SZT2: variants seen among roughly 807,000 people sequenced by gnomAD.
SZT2 encodes SZT2 subunit of KICSTOR complex.
In SZT2, 216 loss-of-function variants were observed where a neutral mutation model predicts 404.2. That is an observed-to-expected ratio of 0.53 (90% CI 0.48 to 0.60). The LOEUF (loss-of-function observed/expected upper bound fraction) is 0.60. Ranked by LOEUF, SZT2 falls within the 20% of genes least tolerant of loss-of-function variation. SZT2 has a pLI of 0.00. For missense variants in SZT2, 3,857 were observed against 4,459.2 expected, an observed-to-expected ratio of 0.86 and a Z score of 3.85; for synonymous variants, 1,693 against 1,749.9, an observed-to-expected ratio of 0.97 and a Z score of 0.81.
Position 43,430,657 on chromosome 1 carries a change from G to T in SZT2, c.4642G>T (p.Gly1548Trp), listed in dbSNP as rs201357769. The change falls in exon 32 of 72, where the codon GGG (glycine) becomes TGG (tryptophan). Residue 1548 changes from glycine to tryptophan, a missense_variant. This residue lies in a region of SZT2 where 1,725 missense variants were observed against 1,881.0 expected (regional missense o/e 0.92). Coordinates refer to ENST00000634258, the MANE Select transcript of SZT2 (RefSeq NM_001365999.1). ...NPDEDSFSILGGDSPTGPESF... is the reference protein window; with the variant it reads ...NPDEDSFSILWGDSPTGPESF... ...TGATGAAGACTCCTTCAGTATCTTG[G>T]GGGGCGACTCACCCACTGGGCCTGA... 2.1e-5 allele frequency: 34 copies of T among 1,614,022 alleles called. No homozygotes were observed. Among genetic ancestry groups the T allele is most frequent in the Non-Finnish European group, 2.7e-5 (32 of 1,180,032 alleles).
Position 43,446,376 on chromosome 1 carries a change from A to G in SZT2, c.9032A>G (p.Glu3011Gly). ...TTCTGTGTCAAACAGTTTGCCCTGG[A>G]ATGTTCCCGAATCCCAATGGGGCAG... ...CYFCVKQFAL[E>G]CSRIPMGQAV... is the part of the protein sequence containing the mutation. The change falls in exon 65 of 72, where the codon GAA (glutamate) becomes GGA (glycine). Residue 3011 changes from glutamate (E) to glycine (G), a missense_variant. Physicochemically the swap from Glu to Gly is moderately conservative, Grantham distance 98. Coordinates refer to ENST00000634258, the MANE Select transcript of SZT2 (RefSeq NM_001365999.1). 1 of 1,614,250 alleles carries G rather than the reference A, an allele frequency of 6.2e-7. No individual in the cohort carries two copies.
intron 66 of SZT2, 59 bp downstream of exon 66, chr1:43,447,227 G>T: frequency 6.5e-7 from 1 of 1,532,472 alleles, no homozygotes; most frequent in Non-Finnish European, 8.8e-7. Flanking sequence ...GGTGCCTCCA[G>T]GTCAGGGCTG....
intron 1 of SZT2, among the ~76,000 whole-genome samples, chr1:43,395,133 A>G (rs1648836824): frequency 6.6e-6 from 1 of 152,192 alleles, no homozygotes; most frequent in Non-Finnish European, 1.5e-5. Flanking sequence ...TTAGTGGCCT[A>G]CTAACTGGTA....
intron 7 of SZT2, among the ~76,000 whole-genome samples, chr1:43,419,070 C>G (rs912694955): frequency 2.0e-5 from 3 of 152,218 alleles, no homozygotes; most frequent in Non-Finnish European, 4.4e-5. Context: ...CAAACACTTT[C>G]TGCAAAGGCC....
At chr1:43,414,983 G>A (rs1651527694) in intron 4 of SZT2, 99 bp from the exon 5 acceptor site, 1 of 1,449,994 alleles carries the variant, frequency 6.9e-7, no homozygotes, top group African/African-American at 1.4e-5. Context: ...AGGAAGTCAG[G>A]ATCGCCTAGA....
rs752069043 is a variant in SZT2, at chr1:43,441,866, A to C, written c.7742+48A>C. 1.9e-5 allele frequency: 30 copies of C among 1,605,554 alleles called. No individual in the cohort carries two copies. In the South Asian group the frequency reaches 3.3e-4, roughly 18 times the overall value. On this transcript the variant is annotated intron_variant, in intron 55 of 71. Transcript: ENST00000634258. This position sits in a 1 kb window ranked among gnomAD's most constrained non-coding sequence, Gnocchi z 4.8. ...TGAAGGGAACTCCCCTAGACTTCCT[A>C]AAAGCTGGGCCTACAGGAAGCCAAA...
At position 43,442,921 on chromosome 1, in the gene SZT2, C is replaced by A; in HGVS notation, c.8254C>A (p.Arg2752Ser). The A allele has an allele frequency of 6.2e-7, 1 of 1,614,088 alleles. No individual in the cohort carries two copies. Among genetic ancestry groups the A allele is most frequent in the Non-Finnish European group, 8.5e-7 (1 of 1,179,972 alleles). ...GCAGGGCCGACTGAGTGGGTCCTCTCGTGGTGGGGGTCCTCTTCCCCTGGA... is the reference window on the plus strand; with the variant it reads ...GCAGGGCCGACTGAGTGGGTCCTCTAGTGGTGGGGGTCCTCTTCCCCTGGA... ...REQGRLSGSS[R>S]GGGPLPLDTF... is the part of the protein sequence containing the mutation. Residue 2752 changes from arginine (R) to serine (S), a missense_variant, in exon 59 of 72, where the codon CGT becomes AGT. Coordinates refer to ENST00000634258, the MANE Select transcript of SZT2 (RefSeq NM_001365999.1). The surrounding 1 kb of genome is among the most constrained non-coding windows in gnomAD (Gnocchi z 4.5).
At position 43,446,275 on chromosome 1, in the gene SZT2, A is replaced by G; in HGVS notation, c.8997+16A>G. 1 of 1,614,252 alleles carries G rather than the reference A, an allele frequency of 6.2e-7. No homozygotes were observed. The highest frequency in any genetic ancestry group is 8.5e-7 in the Non-Finnish European group (1 of 1,180,050). ...GGCATTCCAGGTAAGCAGGAGGAGC[A>G]CTGAGTGGAGACAGCCAGACCCACC... On this transcript the variant is annotated intron_variant, in intron 64 of 71. Transcript: ENST00000634258.
chr1:43,415,855 C>T (rs961025665), intron 5 of SZT2, 105 bp from the exon 6 acceptor site: 156 of 1,332,668 alleles, frequency 1.2e-4, no homozygotes, highest in Non-Finnish European at 1.4e-4. Context: ...TCACAGGATT[C>T]GGCCTGTCTG....
At position 43,450,992 on chromosome 1, in the gene SZT2, G is replaced by A. The variant is rs1387229188; in HGVS notation, c.*512G>A. 1 of 765,486 alleles carries A rather than the reference G, an allele frequency of 1.3e-6. No individual in the cohort carries two copies. Among genetic ancestry groups the A allele is most frequent in the African/African-American group, 1.7e-5 (1 of 59,110 alleles). The allele number at this position is 765,486 out of a possible 1,614,324, so 47.4% of individuals were successfully genotyped here. ...CTTGTGGCCACCGTCAAGTCCCTTTGCTCTCGGACCCTGGGTTTCTCATCC... is the reference window on the plus strand; with the variant it reads ...CTTGTGGCCACCGTCAAGTCCCTTTACTCTCGGACCCTGGGTTTCTCATCC... On this transcript the variant is annotated 3_prime_UTR_variant, in exon 72 of 72. Coordinates refer to ENST00000634258, the MANE Select transcript of SZT2 (RefSeq NM_001365999.1). This position sits in a 1 kb window ranked among gnomAD's most constrained non-coding sequence, Gnocchi z 4.3.
chr1:43,454,085 CG>C lies in SZT2; in HGVS notation c.*3607del. The C allele has an allele frequency of 9.0e-7, 1 of 1,105,232 alleles. No homozygotes were observed. The highest frequency in any genetic ancestry group is 1.1e-6 in the Non-Finnish European group (1 of 907,392). 68.5% of individuals were successfully genotyped at this position (1,105,232 alleles called of 1,614,324 possible). A position where few individuals can be genotyped will look rare whatever the true frequency, so the allele number is the denominator to read the frequency against. ...AGGCCGAGCTCCAGGGCCTGAGAGC[CG>C]GACGCGAAGCAAGAGAGAGCTGGCT... On this transcript the variant is annotated 3_prime_UTR_variant, in exon 72 of 72. Transcript: ENST00000634258.
intron 4 of SZT2, among the ~76,000 whole-genome samples, chr1:43,413,419 CT>C (rs1401959636): frequency 6.6e-6 from 1 of 152,032 alleles, no homozygotes; most frequent in African/African-American, 2.4e-5. Flanking sequence ...GAAAATAGAG[CT>C]ACCATATGAT....
At position 43,452,300 on chromosome 1, in the gene SZT2, G is replaced by C; in HGVS notation, c.*1820G>C. ...ATTCGATCAGCTCCCTGGGGTACTC[G>C]GCCAGCCATCAGGTGGATCCTGTGG... On this transcript the variant is annotated 3_prime_UTR_variant, in exon 72 of 72. Transcript: ENST00000634258. The C allele has an allele frequency of 6.2e-7, 1 of 1,613,918 alleles. No individual in the cohort carries two copies.
chr1:43,425,263 T>A lies in SZT2; in HGVS notation c.2645+56T>A. 2 of 1,598,408 alleles carry A rather than the reference T, an allele frequency of 1.3e-6. No homozygotes were observed. The highest frequency in any genetic ancestry group is 2.2e-5 in the South Asian group (2 of 90,112). On this transcript the variant is annotated intron_variant, in intron 18 of 71. Coordinates refer to ENST00000634258, the MANE Select transcript of SZT2 (RefSeq NM_001365999.1). This position sits in a 1 kb window ranked among gnomAD's most constrained non-coding sequence, Gnocchi z 4.3. ...TGCAGAGTCAGCCTTCTCCCCACCA[T>A]CCCCTAGAGGTCTGGCTCCCATATC...
In SZT2 at chr1:43,425,820, A is replaced by T; in HGVS notation, c.2815-15A>T. ...AAGAGGGGTTGACTCCTGACCTCTG[A>T]TGTTCTTCCTGTAGCTCCACCCACG... On this transcript the variant is annotated splice_polypyrimidine_tract_variant and intron_variant, in intron 19 of 71. Coordinates refer to ENST00000634258, the MANE Select transcript of SZT2 (RefSeq NM_001365999.1). This position sits in a 1 kb window ranked among gnomAD's most constrained non-coding sequence, Gnocchi z 4.3. The T allele has an allele frequency of 6.2e-7, 1 of 1,612,240 alleles. No homozygotes were observed. Among genetic ancestry groups the T allele is most frequent in the Non-Finnish European group, 8.5e-7 (1 of 1,178,582 alleles).
Position 43,422,170 on chromosome 1 carries a change from TC to T in SZT2, c.1716del (p.Trp573GlyfsTer12). On this transcript the variant is annotated frameshift_variant, in exon 12 of 72. Transcript: ENST00000634258. LOFTEE classifies it high-confidence loss of function. ...GCCAGTGCTGTCCATGGATGCAAAT[TC>T]CTGGCAGCGATGGCTGCACATGCAT... ...WKPVLSMDAN[S>X]WQRWLHMHRL... 1 of 1,596,880 alleles carries T rather than the reference TC, an allele frequency of 6.3e-7. No homozygotes were observed. The highest frequency in any genetic ancestry group is 8.5e-7 in the Non-Finnish European group (1 of 1,178,744).
At position 43,448,254 on chromosome 1, in the gene SZT2, C is replaced by T. The variant is rs775221456; in HGVS notation, c.9739C>T (p.Leu3247=). The T allele has an allele frequency of 7.0e-6, 11 of 1,581,232 alleles. No homozygotes were observed. The East Asian group carries it at 2.6e-4, about 37-fold the overall frequency. The change falls in exon 69 of 72, where the codon CTG becomes TTG. Residue 3247 remains leucine, a synonymous_variant. Transcript: ENST00000634258. The surrounding 1 kb of genome is among the most constrained non-coding windows in gnomAD (Gnocchi z 4.2). The part of the protein sequence containing the change: ...GLILAPGPAP[L]FPPLAAEVGM... ...TATTCTAGCGCCTGGACCGGCTCCTCTGTTCCCACCACTGGCTGCAGAGGT... is the reference window on the plus strand; with the variant it reads ...TATTCTAGCGCCTGGACCGGCTCCTTTGTTCCCACCACTGGCTGCAGAGGT...
Position 43,452,054 on chromosome 1 carries a change from A to C in SZT2, c.*1574A>C. 6.3e-7 allele frequency: 1 copy of C among 1,576,892 alleles called. No individual in the cohort carries two copies. Among genetic ancestry groups the C allele is most frequent in the Non-Finnish European group, 8.7e-7 (1 of 1,155,130 alleles). The stretch of plus-strand genomic sequence containing the variant: ...GTGCTGTGAATAGAGCTCCTTCCCA[A>C]GTTTGTCCCCCATCAGTCAGTCACT... On this transcript the variant is annotated 3_prime_UTR_variant, in exon 72 of 72. Coordinates refer to ENST00000634258, the MANE Select transcript of SZT2 (RefSeq NM_001365999.1).
Position 43,443,398 on chromosome 1 carries a change from A to ACC in SZT2, c.8547_8548insCC (p.Cys2850ProfsTer61), listed in dbSNP as rs1655296238. On this transcript the variant is annotated frameshift_variant, in exon 61 of 72. Coordinates refer to ENST00000634258, the MANE Select transcript of SZT2 (RefSeq NM_001365999.1). LOFTEE classifies it high-confidence loss of function. The stretch of plus-strand genomic sequence containing the variant: ...AAGCAGTCATCCCGCCTGGTGCATT[A>ACC]CTGTGCAACAGCCATGCTCTTCGAC... The ACC allele has an allele frequency of 6.2e-7, 1 of 1,614,018 alleles. No individual in the cohort carries two copies. Among genetic ancestry groups the ACC allele is most frequent in the African/African-American group, 1.3e-5 (1 of 74,912 alleles).
Sources: allele counts gnomAD v4.1 joint callset (sites outside exome capture counted in the v4.1 genomes callset), GRCh38; gene constraint gnomAD v4.1.1; regional missense constraint gnomAD v4.1.1; non-coding constraint Gnocchi (gnomAD v3.1); transcripts MANE v1.5; gene names NCBI Gene and HGNC (gene_info 2026-07-23, HGNC 2026-07-21).